GRXCR1: variants seen among roughly 807,000 people sequenced by gnomAD.
GRXCR1 encodes glutaredoxin and cysteine rich domain containing 1.
In GRXCR1, 27 loss-of-function variants were observed where a neutral mutation model predicts 27.3. The observed-to-expected ratio is 0.99, with a 90% confidence interval of 0.73 to 1.37. GRXCR1 has a LOEUF of 1.37. Among genes scored for constraint, GRXCR1 ranks in the 40% most tolerant of loss-of-function variants. GRXCR1 has a pLI of 0.00. For missense variants in GRXCR1, 379 were observed against 354.4 expected (o/e 1.07, Z -0.56); for synonymous variants, 122 against 131.1 (o/e 0.93, Z 0.47).
chr4:43,011,962 G>C (rs185135271), intron 2 of GRXCR1, among the ~76,000 whole-genome samples: 102 of 152,312 alleles, frequency 6.7e-4, no homozygotes, highest in Admixed American at 1.9e-3. Context: ...CATCTGGAAT[G>C]AGAGCCCATT....
chr4:42,973,893 T>C (rs984442480), intron 2 of GRXCR1, among the ~76,000 whole-genome samples: 1 of 152,172 alleles, frequency 6.6e-6, no homozygotes, highest in African/African-American at 2.4e-5. Flanking sequence ...GCACACTCAG[T>C]AAACATTTGC....
chr4:42,901,603 C>T (rs1459217835), intron 1 of GRXCR1, among the ~76,000 whole-genome samples: 1 of 152,218 alleles, frequency 6.6e-6, no homozygotes, highest in East Asian at 1.9e-4. Context: ...GCAATCATGT[C>T]TGCAAAGTGC....
At chr4:42,955,301 T>G (rs1747973987) in intron 1 of GRXCR1, among the ~76,000 whole-genome samples, 1 of 152,134 alleles carries the variant, frequency 6.6e-6, no homozygotes, top group African/African-American at 2.4e-5. Context: ...ATGCCCCGTG[T>G]GATGTAAGTG....
In GRXCR1 at chr4:42,969,406, G is replaced by A. The variant is rs142979357; in HGVS notation, c.627+6272G>A. On this transcript the variant is annotated intron_variant, in intron 2 of 3. Coordinates refer to ENST00000399770, the MANE Select transcript of GRXCR1 (RefSeq NM_001080476.3). ...GGTTTAATTGACTCACAGTCCTGCA[G>A]GCTTAACAGGAAGCACAGTTGGAAG... Among the ~76,000 whole-genome samples, 1,076 of 152,208 alleles carry A rather than the reference G, an allele frequency of 7.1e-3. 5 individuals are homozygous for A. Among genetic ancestry groups the A allele is most frequent in the Non-Finnish European group, 0.01 (696 of 67,998 alleles).
intron 1 of GRXCR1, among the ~76,000 whole-genome samples, chr4:42,920,035 A>C (rs1043863280): frequency 1.3e-5 from 2 of 152,158 alleles, no homozygotes; most frequent in African/African-American, 4.8e-5. Context: ...CCTCCTAGAG[A>C]AGAGCAACAA....
intron 2 of GRXCR1, among the ~76,000 whole-genome samples, chr4:43,018,478 C>T (rs1713000002): frequency 6.6e-6 from 1 of 152,142 alleles, no homozygotes; most frequent in African/African-American, 2.4e-5. Flanking sequence ...GGAATCTTCT[C>T]CCGTGGTAGT....
intron 2 of GRXCR1, among the ~76,000 whole-genome samples, chr4:42,995,187 C>G (rs745471885): frequency 3.6e-4 from 54 of 152,046 alleles, no homozygotes; most frequent in Admixed American, 5.2e-4. Flanking sequence ...ATTAATGTGT[C>G]CAGCGTTGGG....
chr4:42,910,029 T>C (rs1746685611), intron 1 of GRXCR1, among the ~76,000 whole-genome samples: 1 of 152,138 alleles, frequency 6.6e-6, no homozygotes, highest in African/African-American at 2.4e-5. Context: ...TAGTTCCACA[T>C]GGCTGGGGAG....
At chr4:42,936,806 TA>T (rs1747468889) in intron 1 of GRXCR1, among the ~76,000 whole-genome samples, 1 of 151,908 alleles carries the variant, frequency 6.6e-6, no homozygotes, top group Non-Finnish European at 1.5e-5. Context: ...AGATTATGGT[TA>T]TGTGTCTTGG....
Position 43,030,606 on chromosome 4 carries a change from T to C in GRXCR1, c.*66T>C. 1 of 1,215,618 alleles carries C rather than the reference T, an allele frequency of 8.2e-7. No homozygotes were observed. Among genetic ancestry groups the C allele is most frequent in the South Asian group, 1.3e-5 (1 of 79,738 alleles). The allele number at this position is 1,215,618 out of a possible 1,614,324, so 75.3% of individuals were successfully genotyped here. A position where few individuals can be genotyped will look rare whatever the true frequency, so the allele number is the denominator to read the frequency against. On this transcript the variant is annotated 3_prime_UTR_variant, in exon 4 of 4. Coordinates refer to ENST00000399770, the MANE Select transcript of GRXCR1 (RefSeq NM_001080476.3). ...AAGGCAATACTTTGGTTTATATATA[T>C]ATTTTTAAATGGTTATGTTTATGGA...
chr4:42,959,136 A>T (rs2109773059), intron 1 of GRXCR1, among the ~76,000 whole-genome samples: 1 of 152,108 alleles, frequency 6.6e-6, no homozygotes, highest in Middle Eastern at 3.4e-3. Context: ...TGTTTATTGC[A>T]TCATTATTTA....
chr4:43,017,664 G>A (rs1712969011), intron 2 of GRXCR1, among the ~76,000 whole-genome samples: 2 of 152,122 alleles, frequency 1.3e-5, no homozygotes, highest in Admixed American at 6.5e-5. Context: ...TGGAGGTCTT[G>A]ATAAACTATG....
At chr4:42,905,593 G>A (rs1256558905) in intron 1 of GRXCR1, among the ~76,000 whole-genome samples, 1 of 152,108 alleles carries the variant, frequency 6.6e-6, no homozygotes, top group African/African-American at 2.4e-5. Flanking sequence ...GTTCTGTCTG[G>A]TCATTCTTGG....
intron 1 of GRXCR1, among the ~76,000 whole-genome samples, chr4:42,931,854 T>C (rs1250851611): frequency 6.6e-6 from 1 of 151,950 alleles, no homozygotes; most frequent in African/African-American, 2.4e-5. Context: ...GCCTGGGTAA[T>C]TTATAAAGGA....
At chr4:42,902,487 T>A (rs1746483296) in intron 1 of GRXCR1, among the ~76,000 whole-genome samples, 1 of 152,174 alleles carries the variant, frequency 6.6e-6, no homozygotes, top group African/African-American at 2.4e-5. Context: ...TGCATAGTAT[T>A]CCATGGTGTA....
chr4:42,928,083 C>A (rs1286516032), intron 1 of GRXCR1, among the ~76,000 whole-genome samples: 1 of 151,930 alleles, frequency 6.6e-6, no homozygotes, highest in African/African-American at 2.4e-5. Flanking sequence ...CTTCATGGAG[C>A]ATTAACTCTC....
At chr4:42,907,032 A>G (rs1019271462) in intron 1 of GRXCR1, among the ~76,000 whole-genome samples, 4 of 152,168 alleles carry the variant, frequency 2.6e-5, no homozygotes, top group African/African-American at 9.7e-5. Flanking sequence ...GTGATTTATT[A>G]AGGGAGGATC....
At chr4:43,017,782 A>T (rs1712972195) in intron 2 of GRXCR1, among the ~76,000 whole-genome samples, 1 of 152,238 alleles carries the variant, frequency 6.6e-6, no homozygotes, top group Non-Finnish European at 1.5e-5. Context: ...CCAGGAAAAG[A>T]TAATTTCCTA....
At chr4:42,933,731 C>G (rs914427681) in intron 1 of GRXCR1, among the ~76,000 whole-genome samples, 4 of 151,998 alleles carry the variant, frequency 2.6e-5, no homozygotes, top group Admixed American at 6.6e-5. Context: ...AAGATGCCAC[C>G]TCTGAACCAG....
Sources: allele counts gnomAD v4.1 joint callset (sites outside exome capture counted in the v4.1 genomes callset), GRCh38; gene constraint gnomAD v4.1.1; transcripts MANE v1.5; gene names NCBI Gene and HGNC (gene_info 2026-07-23, HGNC 2026-07-21).